Variants in BAG1 observed in about 807,000 individuals in gnomAD.
The protein encoded by BAG1 is BAG cochaperone 1.
Under a neutral mutation model 35.5 loss-of-function variants are expected in BAG1, and 35 were observed. That is an observed-to-expected ratio of 0.99 (90% CI 0.75 to 1.31). The LOEUF (loss-of-function observed/expected upper bound fraction) is 1.31, where lower values mean the gene tolerates loss of function less well. Among genes scored for constraint, BAG1 ranks in the 50% most tolerant of loss-of-function variants. BAG1 has a pLI of 0.00. For missense variants in BAG1, 464 were observed against 453.6 expected (o/e 1.02, Z -0.21); for synonymous variants, 191 against 178.9 (o/e 1.07, Z -0.54).
intron 2 of BAG1, chr9:33,261,931 A>T: frequency 1.0e-6 from 1 of 985,440 alleles, no homozygotes; most frequent in Non-Finnish European, 1.2e-6. Context: ...GAGTCAGAAC[A>T]ATGGGAGGCA....
In BAG1 at chr9:33,252,555, TG is replaced by T. The variant is rs1426905975; in HGVS notation, c.*2663del. ...CTTGTTATATATGTTATATATGTTATGTTATATATATATATGTTATATATGT... is the reference window on the plus strand; with the variant it reads ...CTTGTTATATATGTTATATATGTTATTTATATATATATATGTTATATATGT... On this transcript the variant is annotated 3_prime_UTR_variant, in exon 7 of 7. Coordinates refer to ENST00000634734, the MANE Select transcript of BAG1 (RefSeq NM_004323.6). 31 of 139,466 alleles carry T rather than the reference TG, an allele frequency of 2.2e-4. No individual in the cohort carries two copies. Among genetic ancestry groups the T allele is most frequent in the African/African-American group, 7.7e-4 (28 of 36,388 alleles). The allele number at this position is 139,466 out of a possible 1,614,324, so 8.6% of individuals were successfully genotyped here.
At chr9:33,256,970 C>A (rs1014814050) in intron 4 of BAG1, 62 bp from the exon 5 acceptor site, 20 of 1,252,216 alleles carry the variant, frequency 1.6e-5, no homozygotes, top group Non-Finnish European at 2.1e-5. Flanking sequence ...CTCCATGCCA[C>A]AATACTAATG....
chr9:33,256,675 G>T, intron 5 of BAG1, 126 bp downstream of exon 5: 1 of 750,824 alleles, frequency 1.3e-6, no homozygotes, highest in Non-Finnish European at 2.2e-6. Flanking sequence ...GCACACAATA[G>T]TAGATGCTTA....
intron 3 of BAG1, chr9:33,260,230 T>C (rs1820540236): frequency 6.6e-6 from 1 of 152,238 alleles, no homozygotes; most frequent in East Asian, 1.9e-4. Context: ...TCCTATAGTT[T>C]CTTCAAACTT....
chr9:33,256,846 G>A lies in BAG1; in HGVS notation c.840C>T (p.Ala280=), dbSNP rs1464625634. ...AGATCTTCATAAACTGCTCTATTGT[G>A]GCTTTTACTCTCCTATCAAGTTTGC... The change falls in exon 5 of 7, where the codon GCC becomes GCT. Residue 280 remains alanine (A), a synonymous_variant. Transcript: ENST00000634734. 4 of 1,614,006 alleles carry A rather than the reference G, an allele frequency of 2.5e-6. No homozygotes were observed. In the Admixed American group the frequency reaches 6.7e-5, roughly 27 times the overall value.
At chr9:33,263,277 C>A (rs1371409914) in intron 1 of BAG1, among the ~76,000 whole-genome samples, 1 of 152,194 alleles carries the variant, frequency 6.6e-6, no homozygotes, top group Non-Finnish European at 1.5e-5. Flanking sequence ...GGCTTGACTG[C>A]CCTGTACCCT....
chr9:33,255,995 A>C, intron 5 of BAG1, 68 bp from the exon 6 acceptor site: 1 of 1,446,526 alleles, frequency 6.9e-7, no homozygotes, highest in Non-Finnish European at 9.7e-7. Flanking sequence ...TCCTCAGTGA[A>C]AATGACATGA....
intron 5 of BAG1, 101 bp from the exon 6 acceptor site, chr9:33,256,028 G>A (rs1820446068): frequency 2.7e-6 from 3 of 1,111,248 alleles, no homozygotes; most frequent in Non-Finnish European, 4.1e-6. Flanking sequence ...AACACCCACA[G>A]TACACAAAAC....
intron 4 of BAG1, among the ~76,000 whole-genome samples, chr9:33,258,298 CAAAAAAAAAAA>C (rs10591225): frequency 4.7e-5 from 3 of 63,344 alleles, no homozygotes; most frequent in East Asian, 4.9e-4. Context: ...GACTCCATAT[CAAAAAAAAAAA>C]AAAAAAAAAA....
chr9:33,256,018 AAC>A, intron 5 of BAG1, 91 bp from the exon 6 acceptor site: 1 of 1,203,684 alleles, frequency 8.3e-7, no homozygotes, highest in Admixed American at 1.8e-5. Context: ...GCACATAAGA[AAC>A]ACCCACAGTA....
chr9:33,254,540 T>A lies in BAG1; in HGVS notation c.*679A>T. 6.4e-6 allele frequency: 1 copy of A among 157,318 alleles called. No individual in the cohort carries two copies. Among genetic ancestry groups the A allele is most frequent in the Non-Finnish European group, 1.4e-5 (1 of 71,320 alleles). The allele number at this position is 157,318 out of a possible 1,614,324, so 9.7% of individuals were successfully genotyped here. ...AAGCACAGACTCAGTCAACACTGGG[T>A]TCTAACCTTCTGAAGACTTGCTTGG... On this transcript the variant is annotated 3_prime_UTR_variant, in exon 7 of 7. Transcript: ENST00000634734.
intron 1 of BAG1, 28 bp downstream of exon 1, chr9:33,264,196 T>C (rs146691472): frequency 6.4e-7 from 1 of 1,570,292 alleles, no homozygotes; most frequent in South Asian, 1.2e-5. Context: ...GGGACCTGCA[T>C]GGAGCCCACC....
intron 2 of BAG1, among the ~76,000 whole-genome samples, chr9:33,261,568 T>C (rs2117966302): frequency 6.6e-6 from 1 of 152,314 alleles, no homozygotes; most frequent in East Asian, 1.9e-4. Flanking sequence ...ACAGTGTTAT[T>C]ATGAGGGGTT....
chr9:33,261,040 C>G (rs1376806138), intron 3 of BAG1, 47 bp downstream of exon 3: 4 of 1,519,416 alleles, frequency 2.6e-6, no homozygotes, highest in Non-Finnish European at 2.7e-6. Context: ...GTATAAAAGA[C>G]TTCAGTCATT....
chr9:33,257,216 G>A (rs1820474671), intron 4 of BAG1: 1 of 299,104 alleles, frequency 3.3e-6, no homozygotes, highest in Non-Finnish European at 6.2e-6. Context: ...CAGGTTTAGA[G>A]TCTTCAAAGC....
chr9:33,264,401 A>T lies in BAG1; in HGVS notation c.274T>A (p.Leu92Met). The T allele has an allele frequency of 6.4e-7, 1 of 1,566,026 alleles. No homozygotes were observed. Among genetic ancestry groups the T allele is most frequent in the South Asian group, 1.1e-5 (1 of 87,720 alleles). Residue 92 changes from leucine to methionine, a missense_variant, in exon 1 of 7, where the codon TTG becomes ATG. By Grantham distance (15) the Leu-to-Met change is conservative. Coordinates refer to ENST00000634734, the MANE Select transcript of BAG1 (RefSeq NM_004323.6). Reference sequence around the variant, plus strand: ...CAGGTCGCTTCCTCACTCAGGGTCAACTCCTCGCTCCGGGTCAACTCCTCG... The same window carrying T: ...CAGGTCGCTTCCTCACTCAGGGTCATCTCCTCGCTCCGGGTCAACTCCTCG...
Position 33,264,349 on chromosome 9 carries a change from T to C in BAG1, c.326A>G (p.Glu109Gly). Reference sequence around the variant, plus strand: ...ATTCATCTCTTCGCCCTGGGTCGCCTCCTCACTCTGGGTCGCCTCTTCACT... The same window carrying C: ...ATTCATCTCTTCGCCCTGGGTCGCCCCCTCACTCTGGGTCGCCTCTTCACT... Residue 109 changes from glutamate to glycine, a missense_variant, in exon 1 of 7, where the codon GAG becomes GGG. Transcript: ENST00000634734. 1 of 1,611,834 alleles carries C rather than the reference T, an allele frequency of 6.2e-7. No homozygotes were observed. Among genetic ancestry groups the C allele is most frequent in the Non-Finnish European group, 8.5e-7 (1 of 1,179,358 alleles).
At chr9:33,261,858 C>T in intron 2 of BAG1, 3 of 983,816 alleles carry the variant, frequency 3.0e-6, no homozygotes, top group Non-Finnish European at 3.6e-6. Context: ...CAGAAATGAG[C>T]ATCATGCATC....
chr9:33,252,557 T>A lies in BAG1; in HGVS notation c.*2662A>T, dbSNP rs953455333. ...TGTTATATATGTTATATATGTTATGTTATATATATATATGTTATATATGTA... is the reference window on the plus strand; with the variant it reads ...TGTTATATATGTTATATATGTTATGATATATATATATATGTTATATATGTA... On this transcript the variant is annotated 3_prime_UTR_variant, in exon 7 of 7. Transcript: ENST00000634734. 2.1e-4 allele frequency: 31 copies of A among 148,172 alleles called. No homozygotes were observed. The highest frequency in any genetic ancestry group is 7.0e-4 in the African/African-American group (28 of 40,190). The allele number at this position is 148,172 out of a possible 1,614,324, so 9.2% of individuals were successfully genotyped here.
Sources: gnomAD v4.1 joint callset for allele counts (sites outside exome capture counted in the v4.1 genomes callset) on GRCh38, gnomAD v4.1.1 for gene constraint, MANE v1.5 for transcripts, NCBI Gene and HGNC (gene_info 2026-07-23, HGNC 2026-07-21) for gene names.